Variants in CSMD3 observed in about 807,000 individuals in gnomAD.
The protein encoded by CSMD3 is CUB and Sushi multiple domains 3, also known as CUB and sushi domain-containing protein 3.
CSMD3 carries 177 observed loss-of-function variants against 435.2 expected under a neutral mutation model. That is an observed-to-expected ratio of 0.41 (90% confidence interval 0.36 to 0.46). The LOEUF (loss-of-function observed/expected upper bound fraction) is 0.46, where lower values mean the gene tolerates loss of function less well. CSMD3 is among the 20% of genes least tolerant of loss of function. The pLI is 0.34. For synonymous variants in CSMD3, 1,656 were observed against 1,520.5 expected (o/e 1.09, Z -2.07); for missense variants, 4,265 against 4,504.6 (o/e 0.95, Z 1.52).
At chr8:113,015,141 GT>G (rs1192341022) in intron 6 of CSMD3, among the ~76,000 whole-genome samples, 1 of 152,020 alleles carries the variant, frequency 6.6e-6, no homozygotes. Context: ...AAAGTTACTT[GT>G]TTTTGACTGA....
At chr8:113,325,779 AG>A (rs2093979689) in intron 1 of CSMD3, among the ~76,000 whole-genome samples, 2 of 152,198 alleles carry the variant, frequency 1.3e-5, no homozygotes, top group African/African-American at 4.8e-5. Flanking sequence ...TCTCAGTCAC[AG>A]AAAGTTTCCT....
At chr8:112,552,508 T>C (rs1827773513) in intron 26 of CSMD3, 86 bp downstream of exon 26, 8 of 1,344,232 alleles carry the variant, frequency 6.0e-6, no homozygotes, top group Non-Finnish European at 6.2e-6. Flanking sequence ...AAACAAAAAA[T>C]GAAATAAATG....
At chr8:112,797,039 T>C (rs2078846163) in intron 13 of CSMD3, among the ~76,000 whole-genome samples, 1 of 152,032 alleles carries the variant, frequency 6.6e-6, no homozygotes, top group African/African-American at 2.4e-5. Context: ...TTGTTGCTTT[T>C]TATGTTTTAA....
At chr8:112,575,548 CTAA>C (rs989108235) in intron 23 of CSMD3, among the ~76,000 whole-genome samples, 2 of 151,958 alleles carry the variant, frequency 1.3e-5, no homozygotes, top group Admixed American at 6.6e-5. Context: ...CACAAATTTC[CTAA>C]TATTATAAGG....
chr8:113,419,353 G>A (rs2094598730), intron 1 of CSMD3, among the ~76,000 whole-genome samples: 1 of 151,934 alleles, frequency 6.6e-6, no homozygotes. Flanking sequence ...CCTGGCCTCA[G>A]GTAATCTACC....
chr8:112,832,229 T>A (rs1227903532), intron 11 of CSMD3, among the ~76,000 whole-genome samples: 2 of 152,192 alleles, frequency 1.3e-5, no homozygotes, highest in African/African-American at 4.8e-5. Flanking sequence ...CTAAGATGTC[T>A]TCCAATATTC....
intron 3 of CSMD3, among the ~76,000 whole-genome samples, chr8:113,233,989 C>T (rs774598359): frequency 1.3e-5 from 2 of 152,150 alleles, no homozygotes; most frequent in East Asian, 1.9e-4. Context: ...TAGATCTTTC[C>T]AAGCTAAGGG....
chr8:113,355,627 G>A (rs949809662), intron 1 of CSMD3, among the ~76,000 whole-genome samples: 1 of 149,902 alleles, frequency 6.7e-6, no homozygotes, highest in African/African-American at 2.5e-5. Flanking sequence ...TTCAACATAC[G>A]AATTTTAGGG....
chr8:112,637,531 A>G (rs1479422858), intron 21 of CSMD3, among the ~76,000 whole-genome samples: 1 of 152,178 alleles, frequency 6.6e-6, no homozygotes, highest in East Asian at 1.9e-4. Context: ...AAGTGACCAC[A>G]CATTGAAAAC....
At chr8:112,944,310 TC>T (rs2083538887) in intron 9 of CSMD3, among the ~76,000 whole-genome samples, 2 of 151,682 alleles carry the variant, frequency 1.3e-5, no homozygotes, top group South Asian at 4.1e-4. Flanking sequence ...TGTCTTCCTT[TC>T]TATTAGATTG....
At chr8:113,337,158 T>C (rs896541823) in intron 1 of CSMD3, among the ~76,000 whole-genome samples, 2 of 152,146 alleles carry the variant, frequency 1.3e-5, no homozygotes, top group Non-Finnish European at 2.9e-5. Flanking sequence ...ACTGAGATAC[T>C]TGAAGTAAAA....
chr8:112,786,277 G>C (rs1274649109), intron 13 of CSMD3, among the ~76,000 whole-genome samples: 2 of 151,980 alleles, frequency 1.3e-5, no homozygotes, highest in African/African-American at 2.4e-5. Context: ...CATAAAACCA[G>C]ATCAAAATGA....
chr8:112,964,516 G>A (rs2084346964), intron 7 of CSMD3, among the ~76,000 whole-genome samples: 3 of 151,870 alleles, frequency 2.0e-5, no homozygotes, highest in Non-Finnish European at 1.5e-5. Context: ...TATTTTAAAG[G>A]TGTGAACAGA....
intron 2 of CSMD3, among the ~76,000 whole-genome samples, chr8:113,280,828 T>C (rs1305143161): frequency 6.6e-6 from 1 of 151,926 alleles, no homozygotes; most frequent in Non-Finnish European, 1.5e-5. Flanking sequence ...GCCTTTGCTG[T>C]ATCACAGAGG....
intron 11 of CSMD3, among the ~76,000 whole-genome samples, chr8:112,844,387 C>T (rs1299648464): frequency 6.6e-6 from 1 of 151,904 alleles, no homozygotes; most frequent in Non-Finnish European, 1.5e-5. Flanking sequence ...GAATTCCTAG[C>T]TGGTAGCAAG....
At chr8:113,255,913 A>T (rs761331827) in intron 3 of CSMD3, among the ~76,000 whole-genome samples, 12 of 152,072 alleles carry the variant, frequency 7.9e-5, no homozygotes, top group Non-Finnish European at 1.0e-4. Context: ...AGTGTCAATA[A>T]CAAATTAAAG....
chr8:112,963,589 CA>C (rs1224007414), intron 7 of CSMD3, among the ~76,000 whole-genome samples: 1 of 151,818 alleles, frequency 6.6e-6, no homozygotes, highest in African/African-American at 2.4e-5. Context: ...AAAATCTAGA[CA>C]ACGCAACTGT....
At position 112,268,482 on chromosome 8, in the gene CSMD3, TTAAAA is replaced by T. The variant is rs370681420; in HGVS notation, c.9509-2897_9509-2893del. On this transcript the variant is annotated intron_variant, in intron 59 of 70. Transcript: ENST00000297405. ...TATACAAGCATTGTAAATGTGCATT[TTAAAA>T]TAAAATAAAGTCACATTACTTTTTT... 9.4e-4 allele frequency among the ~76,000 whole-genome samples: 143 copies of T among 152,352 alleles called. 6 individuals carry two copies. The South Asian group carries it at 0.029, about 31-fold the overall frequency.
intron 49 of CSMD3, among the ~76,000 whole-genome samples, chr8:112,313,419 T>A (rs1586740706): frequency 6.6e-6 from 1 of 152,306 alleles, no homozygotes; most frequent in Non-Finnish European, 1.5e-5. Flanking sequence ...GACCTCTGTA[T>A]GTTTATCCTT....
Sources: gnomAD v4.1 joint callset for allele counts (sites outside exome capture counted in the v4.1 genomes callset) on GRCh38, gnomAD v4.1.1 for gene constraint, MANE v1.5 for transcripts, NCBI Gene and HGNC (gene_info 2026-07-23, HGNC 2026-07-21) for gene names.